PSD3: variants seen among roughly 807,000 people sequenced by gnomAD.
PSD3 encodes PH and SEC7 domain-containing protein 3.
In PSD3, 49 loss-of-function variants were observed where a neutral mutation model predicts 105.5. The ratio of observed to expected loss-of-function variants is 0.46; its 90% CI spans 0.37 to 0.59. The LOEUF is 0.59. Ranked by LOEUF, PSD3 falls within the 20% of genes least tolerant of loss-of-function variation. The probability of loss-of-function intolerance (pLI) is 0.00; values close to 1 mark genes in which losing one functional copy is unlikely to be tolerated. For missense variants in PSD3, 1,561 were observed against 1,263.8 expected (o/e 1.24, Z -3.57); for synonymous variants, 557 against 457.8 (o/e 1.22, Z -2.77).
At chr8:18,875,690 C>T (rs1817688976) in intron 2 of PSD3, among the ~76,000 whole-genome samples, 1 of 152,196 alleles carries the variant, frequency 6.6e-6, no homozygotes, top group South Asian at 2.1e-4. Flanking sequence ...TGCCCATCAC[C>T]ATGCCTGGCT....
chr8:18,639,134 C>T (rs1305322346), intron 10 of PSD3, among the ~76,000 whole-genome samples: 1 of 152,230 alleles, frequency 6.6e-6, no homozygotes, highest in Non-Finnish European at 1.5e-5. Context: ...CCACTCTCTT[C>T]CTTGCATCCC....
intron 10 of PSD3, among the ~76,000 whole-genome samples, chr8:18,648,057 T>G (rs115910922): frequency 3.9e-5 from 6 of 152,326 alleles, no homozygotes; most frequent in African/African-American, 1.4e-4. Flanking sequence ...TTACCCAGTC[T>G]CAGGTATCCT....
intron 14 of PSD3, among the ~76,000 whole-genome samples, chr8:18,569,021 A>C (rs1483042572): frequency 1.4e-5 from 2 of 140,612 alleles, no homozygotes; most frequent in African/African-American, 2.6e-5. Context: ...CCATGTCCCT[A>C]CAAAGGACAT....
chr8:18,793,695 T>C (rs77385050), intron 8 of PSD3, among the ~76,000 whole-genome samples: 5,296 of 152,198 alleles, frequency 0.035, 218 homozygotes, highest in East Asian at 0.14. Context: ...TCATGGCAGA[T>C]GGCATCACCT....
chr8:18,561,420 C>T (rs896989031), intron 14 of PSD3, among the ~76,000 whole-genome samples: 6 of 152,166 alleles, frequency 3.9e-5, no homozygotes, highest in African/African-American at 1.2e-4. Context: ...GAATCTAAAA[C>T]AATTGAACTC....
At chr8:18,709,336 A>C (rs1436354459) in intron 9 of PSD3, among the ~76,000 whole-genome samples, 1 of 151,788 alleles carries the variant, frequency 6.6e-6, no homozygotes, top group Non-Finnish European at 1.5e-5. Context: ...TTAGGATAAA[A>C]CTCTTGATCC....
At chr8:18,647,364 G>C (rs930455179) in intron 10 of PSD3, among the ~76,000 whole-genome samples, 1 of 152,196 alleles carries the variant, frequency 6.6e-6, no homozygotes, top group Non-Finnish European at 1.5e-5. Context: ...GGGCAGATGG[G>C]AAATAGTTTA....
At chr8:18,545,749 C>T (rs1354029133) in intron 15 of PSD3, among the ~76,000 whole-genome samples, 1 of 152,170 alleles carries the variant, frequency 6.6e-6, no homozygotes, top group Non-Finnish European at 1.5e-5. Flanking sequence ...TACTGGAATT[C>T]CCCGAAGTCA....
intron 1 of PSD3, among the ~76,000 whole-genome samples, chr8:18,970,150 C>A (rs1395476901): frequency 6.6e-6 from 1 of 150,936 alleles, no homozygotes. Context: ...ACGGTGAAAC[C>A]CCATCTCTAC....
intron 1 of PSD3, among the ~76,000 whole-genome samples, chr8:19,009,114 C>T (rs184362980): frequency 3.9e-4 from 60 of 152,298 alleles, no homozygotes; most frequent in South Asian, 8.3e-4. Flanking sequence ...ACATGTGGTC[C>T]TACAGAGATC....
At chr8:19,039,121 C>T (rs576755548) in intron 1 of PSD3, among the ~76,000 whole-genome samples, 131 of 152,258 alleles carry the variant, frequency 8.6e-4, no homozygotes, top group African/African-American at 3.1e-3. Context: ...GACTTTTCCT[C>T]GACGGACCTT....
At chr8:18,913,146 C>T (rs1820361512) in intron 2 of PSD3, among the ~76,000 whole-genome samples, 1 of 149,688 alleles carries the variant, frequency 6.7e-6, no homozygotes, top group Admixed American at 6.7e-5. Context: ...TATTTCAATG[C>T]ATTCAATTAC....
intron 2 of PSD3, among the ~76,000 whole-genome samples, chr8:18,920,454 T>C (rs1286824049): frequency 2.0e-5 from 3 of 152,208 alleles, no homozygotes; most frequent in Non-Finnish European, 4.4e-5. Context: ...TACAGCGGTA[T>C]TGAAATGGTG....
intron 4 of PSD3, among the ~76,000 whole-genome samples, chr8:18,863,406 C>CG (rs1563357612): frequency 6.6e-6 from 1 of 152,120 alleles, no homozygotes; most frequent in East Asian, 1.9e-4. Flanking sequence ...CGCTGACCCC[C>CG]GGTCAGCCTG....
rs373452220 is a variant in PSD3, at chr8:18,804,667, G to A, written c.1829+37C>T. 175 of 1,611,732 alleles carry A rather than the reference G, an allele frequency of 1.1e-4. No individual in the cohort carries two copies. In the African/African-American group the frequency reaches 2.3e-3, roughly 21 times the overall value. ...ACTATTTAAAACACACACAAAACAG[G>A]AGAGAATTCAGACTCCAGCAATGGG... On this transcript the variant is annotated intron_variant, in intron 5 of 15. Coordinates refer to ENST00000327040, the MANE Select transcript of PSD3 (RefSeq NM_015310.4).
intron 4 of PSD3, among the ~76,000 whole-genome samples, chr8:18,824,647 C>A (rs1431395088): frequency 6.6e-6 from 1 of 152,192 alleles, no homozygotes; most frequent in African/African-American, 2.4e-5. Flanking sequence ...GGCCATCTAT[C>A]ACTGGCTAAG....
At chr8:18,918,510 C>T (rs1442791390) in intron 2 of PSD3, among the ~76,000 whole-genome samples, 1 of 152,158 alleles carries the variant, frequency 6.6e-6, no homozygotes, top group East Asian at 1.9e-4. Context: ...ACCTCTAGCC[C>T]AGCAACTACA....
At chr8:18,564,983 A>G (rs1801646467) in intron 14 of PSD3, among the ~76,000 whole-genome samples, 2 of 152,176 alleles carry the variant, frequency 1.3e-5, no homozygotes, top group Admixed American at 1.3e-4. Flanking sequence ...AAAGACCTAG[A>G]TATCAGGAAA....
chr8:18,799,485 A>G (rs1810495559), intron 7 of PSD3, 132 bp from the exon 8 acceptor site: 2 of 681,458 alleles, frequency 2.9e-6, no homozygotes, highest in East Asian at 5.5e-5. Flanking sequence ...TCCTGTTTTA[A>G]GAAACAAAAA....
Sources: gnomAD v4.1 joint callset for allele counts (sites outside exome capture counted in the v4.1 genomes callset) on GRCh38, gnomAD v4.1.1 for gene constraint, MANE v1.5 for transcripts, NCBI Gene and HGNC (gene_info 2026-07-23, HGNC 2026-07-21) for gene names.